The following ATP10B variants were observed in gnomAD, a reference collection of about 807,000 sequenced individuals.
ATP10B encodes ATPase phospholipid transporting 10B (putative), also known as phospholipid-transporting ATPase VB.
Under a neutral mutation model 141.2 loss-of-function variants are expected in ATP10B, and 122 were observed. The ratio of observed to expected loss-of-function variants is 0.86; its 90% confidence interval spans 0.75 to 1.00. The LOEUF is 1.00. Among genes scored for constraint, ATP10B ranks in the 50% least tolerant of loss-of-function variants. The probability of loss-of-function intolerance (pLI) is 0.00; values close to 1 mark genes in which losing one functional copy is unlikely to be tolerated. For synonymous variants in ATP10B, 685 were observed against 692.0 expected, an observed-to-expected ratio of 0.99 and a Z score of 0.16; for missense variants, 1,876 against 1,825.3, an observed-to-expected ratio of 1.03 and a Z score of -0.51.
intron 1 of ATP10B, among the ~76,000 whole-genome samples, chr5:160,831,306 C>G (rs1461581715): frequency 6.6e-6 from 1 of 152,016 alleles, no homozygotes; most frequent in Admixed American, 6.6e-5. Flanking sequence ...CCTTGTTTAA[C>G]TGCACAGATC....
chr5:160,674,180 T>C (rs1300682176), intron 6 of ATP10B, among the ~76,000 whole-genome samples: 2 of 152,154 alleles, frequency 1.3e-5, no homozygotes, highest in Non-Finnish European at 2.9e-5. Context: ...CAGAGCAAAC[T>C]GGTTTTGATA....
At position 160,807,316 on chromosome 5, in the gene ATP10B, A is replaced by AC. The variant is rs566402682; in HGVS notation, c.-575-21514_-575-21513insG. Among the ~76,000 whole-genome samples the AC allele has an allele frequency of 3.2e-4, 49 of 152,062 alleles. No homozygotes were observed. The South Asian group carries it at 5.2e-3, about 16-fold the overall frequency. The stretch of plus-strand genomic sequence containing the variant: ...GGAAACTTAATTTTCACTGTAAACC[A>AC]TTTTTTTTGGCTTTTAAGTATTGTG... On this transcript the variant is annotated intron_variant, in intron 1 of 25. Coordinates refer to ENST00000327245, the MANE Select transcript of ATP10B (RefSeq NM_025153.3).
chr5:160,573,305 GCA>G, intron 24 of ATP10B, among the ~76,000 whole-genome samples: 1 of 152,222 alleles, frequency 6.6e-6, no homozygotes, highest in South Asian at 2.1e-4. Context: ...ATCAGCTGCT[GCA>G]CTGATCTTGG....
chr5:160,879,790 A>T, the ATP10B span, among the ~76,000 whole-genome samples: 1 of 152,276 alleles, frequency 6.6e-6, no homozygotes, highest in Admixed American at 6.5e-5. Flanking sequence ...GTGAGCCGAG[A>T]TGGCGCCACT....
At chr5:160,634,279 T>C in intron 12 of ATP10B, 75 bp downstream of exon 12, 3 of 1,599,912 alleles carry the variant, frequency 1.9e-6, no homozygotes, top group South Asian at 1.1e-5. Context: ...AGAATGTCTT[T>C]TATCTCCTCG....
chr5:160,912,396 G>A, the ATP10B span, among the ~76,000 whole-genome samples: 7 of 132,674 alleles, frequency 5.3e-5, no homozygotes, highest in East Asian at 4.9e-4. Context: ...GGCCAATATC[G>A]TGAAACCCTG....
chr5:160,565,397 AT>A lies in ATP10B; in HGVS notation c.*55del. The stretch of plus-strand genomic sequence containing the variant: ...TATGAAGAAGAAGGGGTCAAGGGTT[AT>A]GTGGACCAGTGACTAGGTGGCCTCT... On this transcript the variant is annotated 3_prime_UTR_variant, in exon 26 of 26. Coordinates refer to ENST00000327245, the MANE Select transcript of ATP10B (RefSeq NM_025153.3). The A allele has an allele frequency of 1.3e-6, 2 of 1,536,558 alleles. No individual in the cohort carries two copies. The highest frequency in any genetic ancestry group is 1.8e-6 in the Non-Finnish European group (2 of 1,117,084).
intron 24 of ATP10B, among the ~76,000 whole-genome samples, chr5:160,585,387 G>A (rs369456505): frequency 1.3e-5 from 2 of 152,158 alleles, no homozygotes; most frequent in African/African-American, 2.4e-5. Flanking sequence ...GGCGGATCAC[G>A]AGGTCAGGAG....
At chr5:160,850,147 G>A (rs1439193660) in intron 1 of ATP10B, among the ~76,000 whole-genome samples, 1 of 152,058 alleles carries the variant, frequency 6.6e-6, no homozygotes, top group African/African-American at 2.4e-5. Context: ...CGGTGCTTAC[G>A]CTTGTAATCC....
chr5:160,685,244 A>G (rs1264139013), intron 6 of ATP10B: 5 of 557,872 alleles, frequency 9.0e-6, no homozygotes, highest in Non-Finnish European at 1.6e-5. Context: ...TGTCTTTTTA[A>G]TTCTCATAAT....
upstream of ATP10B, among the ~76,000 whole-genome samples, chr5:160,856,934 G>A (rs1352514750): frequency 6.6e-6 from 1 of 151,662 alleles, no homozygotes; most frequent in Non-Finnish European, 1.5e-5. Flanking sequence ...TGGCCATCAT[G>A]TATAATTTTT....
chr5:160,592,527 G>A (rs535116376), intron 22 of ATP10B, among the ~76,000 whole-genome samples: 27 of 152,344 alleles, frequency 1.8e-4, no homozygotes, highest in African/African-American at 3.4e-4. Context: ...CTGAGGTACC[G>A]GGTTCATCTC....
chr5:160,874,704 T>C, the ATP10B span, among the ~76,000 whole-genome samples: 1 of 151,956 alleles, frequency 6.6e-6, no homozygotes, highest in South Asian at 2.1e-4. Flanking sequence ...CTGATGGAGC[T>C]GAAAACCAAG....
chr5:160,833,924 T>G lies in ATP10B; in HGVS notation c.-576+18017A>C, dbSNP rs971798563. On this transcript the variant is annotated intron_variant, in intron 1 of 25. Transcript: ENST00000327245. ...GGAAACCTCAACTTTATGGGAAAAC[T>G]TTGTTATGAATATAATATATGCCCT... Among the ~76,000 whole-genome samples, 3 of 152,294 alleles carry G rather than the reference T, an allele frequency of 2.0e-5. No individual in the cohort carries two copies. In the East Asian group the frequency reaches 5.8e-4, roughly 29 times the overall value.
intron 18 of ATP10B, among the ~76,000 whole-genome samples, chr5:160,607,820 CTTTTGA>C (rs979797800): frequency 6.6e-6 from 1 of 152,096 alleles, no homozygotes; most frequent in Non-Finnish European, 1.5e-5. Context: ...TCTTCCATTA[CTTTTGA>C]TTATATCAAA....
chr5:160,783,501 CAT>C (rs527498609), intron 2 of ATP10B, among the ~76,000 whole-genome samples: 11 of 133,332 alleles, frequency 8.3e-5, no homozygotes, highest in African/African-American at 2.8e-4. Flanking sequence ...CGATATATAT[CAT>C]ATATATACTA....
At chr5:160,570,342 A>G (rs1247797480) in intron 24 of ATP10B, among the ~76,000 whole-genome samples, 2 of 152,190 alleles carry the variant, frequency 1.3e-5, no homozygotes, top group African/African-American at 4.8e-5. Context: ...TGAAATACAC[A>G]ATCGGCTAAT....
chr5:160,575,519 T>A (rs1416180418), intron 24 of ATP10B, among the ~76,000 whole-genome samples: 1 of 152,142 alleles, frequency 6.6e-6, no homozygotes, highest in East Asian at 1.9e-4. Context: ...TACCTGGCCA[T>A]GTGATCCTGG....
the ATP10B span, among the ~76,000 whole-genome samples, chr5:160,887,872 C>T: frequency 6.6e-6 from 1 of 152,200 alleles, no homozygotes; most frequent in Admixed American, 6.5e-5. Context: ...GCTTTTCTTA[C>T]CCAACTCTCT....
Sources: gnomAD v4.1 joint callset for allele counts (sites outside exome capture counted in the v4.1 genomes callset) on GRCh38, gnomAD v4.1.1 for gene constraint, MANE v1.5 for transcripts, NCBI Gene and HGNC (gene_info 2026-07-23, HGNC 2026-07-21) for gene names.